The following SDK1 variants were observed in gnomAD, a reference collection of about 807,000 sequenced individuals.
SDK1 encodes the protein protein sidekick-1.
In SDK1, 157 loss-of-function variants were observed where a neutral mutation model predicts 245.5. The observed-to-expected ratio is 0.64, with a 90% CI of 0.56 to 0.73. The LOEUF (loss-of-function observed/expected upper bound fraction) is 0.73. Among genes scored for constraint, SDK1 ranks in the 30% least tolerant of loss-of-function variants. The pLI, the probability that SDK1 is intolerant of heterozygous loss-of-function variation, is 0.00. For missense variants in SDK1, 3,583 were observed against 3,002.3 expected (o/e 1.19, Z -4.52); for synonymous variants, 1,647 against 1,278.5 (o/e 1.29, Z -6.15).
At chr7:3,859,833 A>T (rs896184192) in intron 5 of SDK1, among the ~76,000 whole-genome samples, 1 of 152,084 alleles carries the variant, frequency 6.6e-6, no homozygotes, top group Non-Finnish European at 1.5e-5. Context: ...CATGCAAAAT[A>T]CAAAACTGTA....
At chr7:3,940,033 C>G (rs1351774818) in intron 5 of SDK1, among the ~76,000 whole-genome samples, 2 of 152,248 alleles carry the variant, frequency 1.3e-5, no homozygotes, top group African/African-American at 4.8e-5. Flanking sequence ...TCCTGTGCTT[C>G]CCATTGTCAG....
intron 4 of SDK1, among the ~76,000 whole-genome samples, chr7:3,701,011 T>C (rs900922909): frequency 2.0e-5 from 3 of 152,030 alleles, no homozygotes; most frequent in African/African-American, 7.3e-5. Flanking sequence ...GTGAGCCCCA[T>C]AGGGCTGGGG....
At chr7:3,396,599 T>C (rs951961701) in intron 1 of SDK1, among the ~76,000 whole-genome samples, 55 of 151,954 alleles carry the variant, frequency 3.6e-4, no homozygotes, top group African/African-American at 1.3e-3. Flanking sequence ...TACCCTCTTA[T>C]TATAAAATTT....
chr7:3,330,440 G>A (rs902773166), intron 1 of SDK1, among the ~76,000 whole-genome samples: 4 of 152,156 alleles, frequency 2.6e-5, no homozygotes, highest in Admixed American at 2.6e-4. Flanking sequence ...AGGTGGGCCT[G>A]TGGGAGGTAA....
chr7:4,157,983 G>T (rs1432189803), intron 30 of SDK1, among the ~76,000 whole-genome samples: 1 of 152,128 alleles, frequency 6.6e-6, no homozygotes, highest in African/African-American at 2.4e-5. Context: ...TTTATACTTC[G>T]GATCAGCACA....
chr7:4,246,312 G>T (rs1026005976), intron 44 of SDK1, among the ~76,000 whole-genome samples: 1 of 152,098 alleles, frequency 6.6e-6, no homozygotes, highest in Non-Finnish European at 1.5e-5. Flanking sequence ...ATGTAGTCCC[G>T]GGGTAACTGG....
Position 4,240,572 on chromosome 7 carries a change from G to A in SDK1, c.6131-1221G>A, listed in dbSNP as rs182369134. ...AAGGTTTAAAGCACGTCAAAGGGGG[G>A]CCAGGTCCCAGCAGAGAGGAGCCTC... is the stretch of plus-strand genomic sequence containing the variant. On this transcript the variant is annotated intron_variant, in intron 42 of 44. Transcript: ENST00000404826. 5.9e-5 allele frequency among the ~76,000 whole-genome samples: 9 copies of A among 152,266 alleles called. No homozygotes were observed. The East Asian group carries it at 1.7e-3, about 29-fold the overall frequency.
intron 4 of SDK1, among the ~76,000 whole-genome samples, chr7:3,728,018 G>A (rs1368515903): frequency 6.6e-6 from 1 of 152,108 alleles, no homozygotes; most frequent in Non-Finnish European, 1.5e-5. Flanking sequence ...AGGGGCACTG[G>A]TTAGGTATTT....
chr7:3,585,602 G>T (rs1780660611), intron 1 of SDK1, among the ~76,000 whole-genome samples: 1 of 152,188 alleles, frequency 6.6e-6, no homozygotes, highest in Admixed American at 6.5e-5. Context: ...AAATTGATCA[G>T]GGTCCTGGAT....
At chr7:4,261,482 A>C (rs960754502) in intron 44 of SDK1, among the ~76,000 whole-genome samples, 5 of 152,314 alleles carry the variant, frequency 3.3e-5, no homozygotes, top group Admixed American at 6.5e-5. Context: ...TACTTCTGAA[A>C]GAGCTGCTGT....
At chr7:3,636,832 G>A (rs963954449) in intron 2 of SDK1, among the ~76,000 whole-genome samples, 1 of 152,056 alleles carries the variant, frequency 6.6e-6, no homozygotes, top group Non-Finnish European at 1.5e-5. Context: ...TTTTCTCCAC[G>A]TTGTCAGCAA....
In SDK1 at chr7:3,632,514, C is replaced by T. The variant is rs1045941486; in HGVS notation, c.459-6490C>T. Among the ~76,000 whole-genome samples, 4 of 152,186 alleles carry T rather than the reference C, an allele frequency of 2.6e-5. No individual in the cohort carries two copies. The South Asian group carries it at 8.3e-4, about 32-fold the overall frequency. ...TACCAGGAGAGCTTATATTCATTCA[C>T]CAGATTTATATTCCCAAAACCAGTG... On this transcript the variant is annotated intron_variant, in intron 2 of 44. Coordinates refer to ENST00000404826, the MANE Select transcript of SDK1 (RefSeq NM_152744.4).
chr7:3,902,362 T>C (rs1347966573), intron 5 of SDK1, among the ~76,000 whole-genome samples: 2 of 152,210 alleles, frequency 1.3e-5, no homozygotes, highest in African/African-American at 2.4e-5. Flanking sequence ...TACCCACTTA[T>C]TCAATCCTAC....
intron 1 of SDK1, among the ~76,000 whole-genome samples, chr7:3,310,805 T>C (rs1779531714): frequency 6.6e-6 from 1 of 152,180 alleles, no homozygotes; most frequent in African/African-American, 2.4e-5. Flanking sequence ...TAAAACAAAG[T>C]TAACCACTTG....
chr7:4,151,639 C>T (rs775151577), intron 30 of SDK1, among the ~76,000 whole-genome samples: 31 of 152,306 alleles, frequency 2.0e-4, no homozygotes, highest in Non-Finnish European at 4.1e-4. Context: ...CCGCCATCCT[C>T]GTCGCCATCA....
chr7:4,241,336 G>A (rs1320176407), intron 42 of SDK1, among the ~76,000 whole-genome samples: 1 of 152,048 alleles, frequency 6.6e-6, no homozygotes, highest in East Asian at 1.9e-4. Context: ...GGAATTTTTA[G>A]AAGTGTATGC....
At chr7:3,866,579 C>G (rs1407533823) in intron 5 of SDK1, among the ~76,000 whole-genome samples, 2 of 152,114 alleles carry the variant, frequency 1.3e-5, no homozygotes, top group East Asian at 1.9e-4. Context: ...GAGAGGCTCT[C>G]CAGAACAGTG....
At chr7:3,478,574 T>G (rs1053664690) in intron 1 of SDK1, among the ~76,000 whole-genome samples, 1 of 152,114 alleles carries the variant, frequency 6.6e-6, no homozygotes, top group African/African-American at 2.4e-5. Flanking sequence ...TCTATAAGTC[T>G]TTTTGCATTT....
intron 4 of SDK1, among the ~76,000 whole-genome samples, chr7:3,685,462 A>G (rs1313082861): frequency 1.3e-5 from 2 of 152,222 alleles, no homozygotes; most frequent in South Asian, 2.1e-4. Context: ...GAAGAGCTGC[A>G]TAAAATATTC....
Sources: gnomAD v4.1 joint callset for allele counts (sites outside exome capture counted in the v4.1 genomes callset) on GRCh38, gnomAD v4.1.1 for gene constraint, MANE v1.5 for transcripts, NCBI Gene and HGNC (gene_info 2026-07-23, HGNC 2026-07-21) for gene names.